NREP: variants seen among roughly 807,000 people sequenced by gnomAD.
The protein encoded by NREP is neuronal regeneration related protein.
In NREP, 5 loss-of-function variants were observed where a neutral mutation model predicts 8.6. The observed-to-expected ratio is 0.58, with a 90% CI of 0.30 to 1.22. The LOEUF is 1.22. Among genes scored for constraint, NREP ranks in the 50% most tolerant of loss-of-function variants. NREP has a pLI of 0.07. For missense variants in NREP, 86 were observed against 82.5 expected, an observed-to-expected ratio of 1.04 and a Z score of -0.17; for synonymous variants, 27 against 28.0, an observed-to-expected ratio of 0.96 and a Z score of 0.11.
intron 2 of NREP, among the ~76,000 whole-genome samples, chr5:111,965,009 A>G (rs1349139347): frequency 6.6e-6 from 1 of 152,024 alleles, no homozygotes. Context: ...CAGTGGTTCA[A>G]TAGTGTCATC....
chr5:111,935,260 A>C (rs1297779032), intron 2 of NREP, among the ~76,000 whole-genome samples: 1 of 152,070 alleles, frequency 6.6e-6, no homozygotes, highest in African/African-American at 2.4e-5. Flanking sequence ...GCACAGAGAG[A>C]GGCTGTTTAC....
chr5:111,894,869 T>C (rs1201992182), intron 2 of NREP, among the ~76,000 whole-genome samples: 1 of 152,176 alleles, frequency 6.6e-6, no homozygotes, highest in Non-Finnish European at 1.5e-5. Context: ...ATGGTGATCA[T>C]GGCAAAGTGT....
intron 2 of NREP, among the ~76,000 whole-genome samples, chr5:111,826,372 G>T (rs78293787): frequency 6.6e-6 from 1 of 152,186 alleles, no homozygotes; most frequent in African/African-American, 2.4e-5. Flanking sequence ...CACTGTGGAA[G>T]TTTTGTTGTT....
At chr5:111,848,397 G>A (rs1230728642) in intron 2 of NREP, among the ~76,000 whole-genome samples, 1 of 151,872 alleles carries the variant, frequency 6.6e-6, no homozygotes, top group Non-Finnish European at 1.5e-5. Flanking sequence ...GATGCTCACA[G>A]GATGCTTTTG....
At chr5:111,881,961 C>T (rs146133585) in intron 2 of NREP, among the ~76,000 whole-genome samples, 4,359 of 152,204 alleles carry the variant, frequency 0.029, 219 homozygotes, top group East Asian at 0.23. Flanking sequence ...TCACCAGCAA[C>T]GGAACAAAGC....
chr5:111,816,114 T>C (rs2112919270), intron 2 of NREP, among the ~76,000 whole-genome samples: 1 of 152,298 alleles, frequency 6.6e-6, no homozygotes, highest in South Asian at 2.1e-4. Flanking sequence ...CTGTAATCAG[T>C]AAAAATGTTA....
Position 111,842,311 on chromosome 5 carries a change from T to C in NREP, c.136-106804A>G, listed in dbSNP as rs189493426. ...GAGACAATGTAGTTTGTAACTACAT[T>C]CCTTCCAGAGGATTTTCAAGGGTAG... On this transcript the variant is annotated intron_variant, in intron 2 of 3. Coordinates refer to the NREP transcript ENST00000395634. Among the ~76,000 whole-genome samples the C allele has an allele frequency of 1.8e-3, 278 of 152,310 alleles. 2 individuals are homozygous for C. The highest frequency in any genetic ancestry group is 6.4e-3 in the African/African-American group (267 of 41,574).
intron 2 of NREP, among the ~76,000 whole-genome samples, chr5:111,937,353 T>G (rs1755712425): frequency 6.6e-6 from 1 of 152,118 alleles, no homozygotes; most frequent in Non-Finnish European, 1.5e-5. Context: ...CATGATTCAC[T>G]AAATGGACAA....
chr5:111,951,620 T>C (rs1561364618), intron 2 of NREP, among the ~76,000 whole-genome samples: 1 of 152,060 alleles, frequency 6.6e-6, no homozygotes, highest in Non-Finnish European at 1.5e-5. Flanking sequence ...GTCACATAGA[T>C]GGGTTGAAGG....
chr5:111,756,261 T>C (rs1750695628), intron 1 of NREP: 1 of 966,194 alleles, frequency 1.0e-6, no homozygotes, highest in Non-Finnish European at 1.2e-6. Flanking sequence ...TGGATATTTT[T>C]GGAAATGGCA....
chr5:111,940,200 C>A (rs1438618387), intron 2 of NREP: 1 of 151,980 alleles, frequency 6.6e-6, no homozygotes, highest in Non-Finnish European at 1.5e-5. Context: ...ACTGTGATAG[C>A]CTTTTGTGAT....
At chr5:111,859,613 T>C (rs998765875) in intron 2 of NREP, among the ~76,000 whole-genome samples, 3 of 152,060 alleles carry the variant, frequency 2.0e-5, no homozygotes, top group Admixed American at 6.6e-5. Context: ...GGCACAACCT[T>C]GTACCCCGCT....
chr5:111,815,295 C>T (rs1003756489), intron 2 of NREP, among the ~76,000 whole-genome samples: 7 of 152,130 alleles, frequency 4.6e-5, no homozygotes, highest in African/African-American at 1.7e-4. Context: ...AATTGGCAAG[C>T]CTGAAACTTG....
chr5:111,913,759 G>A (rs563333269), intron 2 of NREP, among the ~76,000 whole-genome samples: 13 of 152,126 alleles, frequency 8.5e-5, no homozygotes, highest in South Asian at 2.1e-4. Context: ...CCTTCTCCCC[G>A]TCTCTGGATT....
At chr5:111,738,323 G>A (rs907671342) in intron 2 of NREP, 1 of 152,094 alleles carries the variant, frequency 6.6e-6, no homozygotes, top group African/African-American at 2.4e-5. Context: ...TTGGTATTCC[G>A]CAAGGGCCTG....
At chr5:111,756,494 A>G (rs183234346) in intron 1 of NREP, among the ~76,000 whole-genome samples, 1 of 152,158 alleles carries the variant, frequency 6.6e-6, no homozygotes, top group Admixed American at 6.5e-5. Flanking sequence ...GGAGAAACTA[A>G]AAGTTCTCAA....
rs117160429 is a variant in NREP, at chr5:111,875,552, A to G, written c.135+99722T>C. 2.7e-4 allele frequency among the ~76,000 whole-genome samples: 41 copies of G among 152,348 alleles called. 1 individual carries two copies. The East Asian group carries it at 3.1e-3, about 11-fold the overall frequency. On this transcript the variant is annotated intron_variant, in intron 2 of 3. Coordinates refer to the NREP transcript ENST00000395634. ...GCCAGATAAAATTTCTTAGACCACC[A>G]GAAGTTTACTCCCTGTCTATGTATA...
chr5:111,966,016 G>C (rs1423519325), intron 2 of NREP, among the ~76,000 whole-genome samples: 2 of 152,290 alleles, frequency 1.3e-5, no homozygotes, highest in East Asian at 3.9e-4. Flanking sequence ...AAGATCCACA[G>C]ATGATGGTCA....
intron 2 of NREP, among the ~76,000 whole-genome samples, chr5:111,754,247 T>C (rs1390016684): frequency 1.3e-5 from 2 of 152,234 alleles, no homozygotes; most frequent in African/African-American, 4.8e-5. Flanking sequence ...CACTCTCAGC[T>C]TTGGCAGGCA....
Sources: allele counts gnomAD v4.1 joint callset (sites outside exome capture counted in the v4.1 genomes callset), GRCh38; gene constraint gnomAD v4.1.1; transcripts MANE v1.5; gene names NCBI Gene and HGNC (gene_info 2026-07-23, HGNC 2026-07-21).